The following MED12L variants were observed in gnomAD, a reference collection of about 807,000 sequenced individuals.
MED12L encodes mediator of RNA polymerase II transcription subunit 12-like protein.
A neutral mutation model predicts 281.3 loss-of-function variants in MED12L; 60 were observed. The ratio of observed to expected loss-of-function variants is 0.21; its 90% CI spans 0.17 to 0.26. The LOEUF is 0.26. Among genes scored for constraint, MED12L ranks in the 10% least tolerant of loss-of-function variants. The probability of loss-of-function intolerance (pLI) is 1.00; values close to 1 mark genes in which losing one functional copy is unlikely to be tolerated. For missense variants in MED12L, 2,146 were observed against 2,680.9 expected (o/e 0.80, Z 4.41); for synonymous variants, 974 against 987.2 (o/e 0.99, Z 0.25).
chr3:151,088,606 C>T (rs115854917), intron 2 of MED12L, among the ~76,000 whole-genome samples: 1 of 152,086 alleles, frequency 6.6e-6, no homozygotes, highest in South Asian at 2.1e-4. Context: ...AGCATTTGTT[C>T]TTCAGGCCAA....
intron 5 of MED12L, among the ~76,000 whole-genome samples, chr3:151,136,017 C>G (rs1434616752): frequency 6.6e-6 from 1 of 152,146 alleles, no homozygotes; most frequent in Admixed American, 6.5e-5. Flanking sequence ...GTTAAACTGC[C>G]TGGGGCACTG....
At chr3:151,250,830 A>G (rs781595278) in intron 16 of MED12L, among the ~76,000 whole-genome samples, 2 of 152,170 alleles carry the variant, frequency 1.3e-5, no homozygotes, top group Non-Finnish European at 2.9e-5. Flanking sequence ...TTAATTTTCT[A>G]AAGGAATTGC....
intron 11 of MED12L, among the ~76,000 whole-genome samples, chr3:151,170,111 G>A (rs748565973): frequency 3.3e-5 from 5 of 152,176 alleles, no homozygotes; most frequent in Admixed American, 6.5e-5. Flanking sequence ...GAAAACTGCA[G>A]TGCATGGGAT....
chr3:151,405,331 A>G lies in MED12L; in HGVS notation c.5821-3912A>G, dbSNP rs148030328. Among the ~76,000 whole-genome samples, 218 of 152,364 alleles carry G rather than the reference A, an allele frequency of 1.4e-3. 2 individuals are homozygous for G. Among genetic ancestry groups the G allele is most frequent in the African/African-American group, 4.8e-3 (200 of 41,590 alleles). On this transcript the variant is annotated intron_variant, in intron 39 of 44. Transcript: ENST00000687756. ...GCTTATACAATTATTAGACTGTCCCAGTTCTCTGTAGATCATTCCCTTTGC... is the reference window on the plus strand; with the variant it reads ...GCTTATACAATTATTAGACTGTCCCGGTTCTCTGTAGATCATTCCCTTTGC...
intron 21 of MED12L, among the ~76,000 whole-genome samples, chr3:151,364,263 A>G (rs184436702): frequency 6.6e-6 from 1 of 152,340 alleles, no homozygotes; most frequent in Admixed American, 6.5e-5. Flanking sequence ...TTATACTTCT[A>G]GTAGTCTATA....
intron 43 of MED12L, 106 bp downstream of exon 43, chr3:151,416,528 C>T (rs1353402168): frequency 1.6e-6 from 2 of 1,249,260 alleles, no homozygotes; most frequent in Non-Finnish European, 2.2e-6. Context: ...CCTAAGTATA[C>T]CCTAAAAATT....
At chr3:151,190,313 A>G (rs1434257822) in intron 13 of MED12L, among the ~76,000 whole-genome samples, 1 of 151,916 alleles carries the variant, frequency 6.6e-6, no homozygotes, top group Non-Finnish European at 1.5e-5. Flanking sequence ...CTGGGCTTAC[A>G]GGCACCCACC....
intron 16 of MED12L, among the ~76,000 whole-genome samples, chr3:151,276,471 AG>A (rs1372599504): frequency 6.6e-6 from 1 of 152,238 alleles, no homozygotes; most frequent in Non-Finnish European, 1.5e-5. Context: ...TGTTGGTGTC[AG>A]CCTACCTCCT....
rs992063169 is a variant in MED12L at position 151,193,820 on chromosome 3, A to C, written c.2250+154A>C. On this transcript the variant is annotated intron_variant, in intron 16 of 44. Transcript: ENST00000687756. Reference sequence around the variant, plus strand: ...CTGCTTCTGTTCTAATTCTGATCTTAAGCTTATGTACTGAGGTTGTCCGAA... The same window carrying C: ...CTGCTTCTGTTCTAATTCTGATCTTCAGCTTATGTACTGAGGTTGTCCGAA... The C allele has an allele frequency of 1.1e-5, 7 of 630,242 alleles. No homozygotes were observed. The African/African-American group carries it at 1.3e-4, about 12-fold the overall frequency. 39.0% of individuals were successfully genotyped at this position (630,242 alleles called of 1,614,324 possible).
intron 11 of MED12L, among the ~76,000 whole-genome samples, chr3:151,172,188 T>G (rs1721518192): frequency 6.6e-6 from 1 of 152,184 alleles, no homozygotes; most frequent in African/African-American, 2.4e-5. Flanking sequence ...AGCAGTTTAG[T>G]GTATTTCTTT....
intron 2 of MED12L, among the ~76,000 whole-genome samples, chr3:151,093,717 C>T (rs1231028688): frequency 6.6e-6 from 1 of 152,204 alleles, no homozygotes; most frequent in East Asian, 1.9e-4. Context: ...GCTATATCTC[C>T]CTTCTGCATG....
chr3:151,172,442 T>C (rs1468078638), intron 11 of MED12L, among the ~76,000 whole-genome samples: 1 of 152,232 alleles, frequency 6.6e-6, no homozygotes, highest in Admixed American at 6.5e-5. Context: ...CAGAGACTCA[T>C]AGTGGGCCCC....
intron 43 of MED12L, among the ~76,000 whole-genome samples, chr3:151,424,854 G>A (rs1577622713): frequency 1.3e-5 from 2 of 152,202 alleles, no homozygotes; most frequent in South Asian, 2.1e-4. Context: ...TTCATTCGTC[G>A]GAGCAATCTG....
At chr3:151,359,684 T>C (rs1245279580) in intron 20 of MED12L, among the ~76,000 whole-genome samples, 2 of 152,178 alleles carry the variant, frequency 1.3e-5, no homozygotes, top group Non-Finnish European at 2.9e-5. Context: ...GTGAATCAGA[T>C]AGTTTCTAAA....
chr3:151,356,082 T>A (rs751207864), intron 19 of MED12L, 43 bp downstream of exon 19: 1 of 1,585,860 alleles, frequency 6.3e-7, no homozygotes, highest in South Asian at 1.1e-5. Context: ...GGAAAGCAAA[T>A]CCACCAGGCA....
At chr3:151,240,465 A>C (rs914086392) in intron 16 of MED12L, among the ~76,000 whole-genome samples, 2 of 152,218 alleles carry the variant, frequency 1.3e-5, no homozygotes, top group African/African-American at 4.8e-5. Flanking sequence ...TGTCTTGTTT[A>C]GTTTCTCAGC....
chr3:151,242,205 C>A (rs1734286548), intron 16 of MED12L, among the ~76,000 whole-genome samples: 1 of 152,218 alleles, frequency 6.6e-6, no homozygotes, highest in Non-Finnish European at 1.5e-5. Flanking sequence ...GGAGGGGCGC[C>A]CGCCATTGCC....
chr3:151,127,005 G>A (rs1281302300), intron 4 of MED12L, among the ~76,000 whole-genome samples: 2 of 152,118 alleles, frequency 1.3e-5, no homozygotes, highest in African/African-American at 2.4e-5. Flanking sequence ...CTGCTGCATC[G>A]TGGCTAATAT....
intron 16 of MED12L, among the ~76,000 whole-genome samples, chr3:151,343,584 G>A (rs1392436742): frequency 2.0e-5 from 3 of 152,156 alleles, no homozygotes; most frequent in African/African-American, 7.2e-5. Flanking sequence ...AATAGAAGCA[G>A]AGCAAGTTAT....
Sources: allele counts gnomAD v4.1 joint callset (sites outside exome capture counted in the v4.1 genomes callset), GRCh38; gene constraint gnomAD v4.1.1; transcripts MANE v1.5; gene names NCBI Gene and HGNC (gene_info 2026-07-23, HGNC 2026-07-21).